ACTR1B: variants seen among roughly 807,000 people sequenced by gnomAD.
ACTR1B encodes beta-centractin.
A neutral mutation model predicts 49.4 loss-of-function variants in ACTR1B; 34 were observed. That is an observed-to-expected ratio of 0.69 (90% CI 0.52 to 0.92). ACTR1B has a LOEUF of 0.92. ACTR1B is among the 40% of genes least tolerant of loss of function. The probability of loss-of-function intolerance (pLI) is 0.00; values close to 1 mark genes in which losing one functional copy is unlikely to be tolerated. For synonymous variants in ACTR1B, 207 were observed against 207.8 expected, an observed-to-expected ratio of 1.00 and a Z score of 0.03; for missense variants, 471 against 522.4, an observed-to-expected ratio of 0.90 and a Z score of 0.96.
Position 97,659,307 on chromosome 2 carries a change from A to G in ACTR1B, c.315+45T>C. Reference sequence around the variant, plus strand: ...GAGGAGGGACGCAGAGGAGAGGGGCATGGCCAGGAGAATGCAGAGCATGCA... The same window carrying G: ...GAGGAGGGACGCAGAGGAGAGGGGCGTGGCCAGGAGAATGCAGAGCATGCA... On this transcript the variant is annotated intron_variant, in intron 4 of 10. Transcript: ENST00000289228. The surrounding 1 kb of genome is among the most constrained non-coding windows in gnomAD (Gnocchi z 4.0). 3.7e-6 allele frequency: 6 copies of G among 1,611,612 alleles called. No homozygotes were observed. Among genetic ancestry groups the G allele is most frequent in the Non-Finnish European group, 5.1e-6 (6 of 1,178,864 alleles).
Position 97,657,505 on chromosome 2 carries a change from G to A in ACTR1B, c.930C>T (p.Phe310=), listed in dbSNP as rs768897105. The change falls in exon 9 of 11, where the codon TTC becomes TTT. Residue 310 remains phenylalanine, a synonymous_variant. Coordinates refer to ENST00000289228, the MANE Select transcript of ACTR1B (RefSeq NM_005735.4). ...TCACTTCACTGAGTAATCGGTCTCC[G>A]AAGCCTGTGAACACAAAGCTGGCTG... ...LSGGSTLFKG[F]GDRLLSEVKK... The A allele has an allele frequency of 1.5e-5, 24 of 1,614,186 alleles. No individual in the cohort carries two copies. The highest frequency in any genetic ancestry group is 6.7e-5 in the East Asian group (3 of 44,880).
chr2:97,656,906 CT>C lies in ACTR1B; in HGVS notation c.1082del (p.Lys361ArgfsTer54). 5 of 1,596,078 alleles carry C rather than the reference CT, an allele frequency of 3.1e-6. No homozygotes were observed. The highest frequency in any genetic ancestry group is 1.8e-5 in the Admixed American group (1 of 56,582). On this transcript the variant is annotated frameshift_variant, in exon 11 of 11. Transcript: ENST00000289228. LOFTEE classifies it high-confidence loss of function. ...DTFKKMWVSK[K>X]EYEEDGSRAI... Reference sequence around the variant, plus strand: ...CACGGGAGCCATCCTCTTCATACTCCTTTTTGGACACCCACATCTTCTTAAA... The same window carrying C: ...CACGGGAGCCATCCTCTTCATACTCCTTTTGGACACCCACATCTTCTTAAA...
Position 97,656,828 on chromosome 2 carries a change from TCTCCCA to T in ACTR1B, c.*24_*29del. On this transcript the variant is annotated 3_prime_UTR_variant, in exon 11 of 11. Coordinates refer to ENST00000289228, the MANE Select transcript of ACTR1B (RefSeq NM_005735.4). The stretch of plus-strand genomic sequence containing the variant: ...AGGCTCTGTCTCCCCTCCCTCCCCC[TCTCCCA>T]ACATGCCCCGCCCTCCTTGGGCACT... 3 of 1,526,084 alleles carry T rather than the reference TCTCCCA, an allele frequency of 2.0e-6. No individual in the cohort carries two copies. Among genetic ancestry groups the T allele is most frequent in the Non-Finnish European group, 2.7e-6 (3 of 1,121,386 alleles). The allele number at this position is 1,526,084 out of a possible 1,614,324, so 94.5% of individuals were successfully genotyped here.
chr2:97,661,875 C>T lies in ACTR1B; in HGVS notation c.113+7G>A, dbSNP rs1017455815. 34 of 1,586,846 alleles carry T rather than the reference C, an allele frequency of 2.1e-5. No individual in the cohort carries two copies. The highest frequency in any genetic ancestry group is 2.6e-5 in the Non-Finnish European group (30 of 1,164,606). ...AGGACTAAGGCTGCTGCCTGAGCCACACTTACTAGTTTGGGAAACAGTATT... is the reference window on the plus strand; with the variant it reads ...AGGACTAAGGCTGCTGCCTGAGCCATACTTACTAGTTTGGGAAACAGTATT... On this transcript the variant is annotated splice_region_variant and intron_variant, in intron 2 of 10. Coordinates refer to ENST00000289228, the MANE Select transcript of ACTR1B (RefSeq NM_005735.4).
chr2:97,661,859 G>A (rs1675017284), intron 2 of ACTR1B, 23 bp downstream of exon 2: 1 of 1,573,702 alleles, frequency 6.4e-7, no homozygotes, highest in Non-Finnish European at 8.6e-7. Flanking sequence ...AAGGACTAAG[G>A]CTGCTGCCTG....
In ACTR1B at chr2:97,658,085, C is replaced by T. The variant is rs924698234; in HGVS notation, c.783G>A (p.Leu261=). 1 of 1,614,012 alleles carries T rather than the reference C, an allele frequency of 6.2e-7. No homozygotes were observed. Among genetic ancestry groups the T allele is most frequent in the Non-Finnish European group, 8.5e-7 (1 of 1,180,048 alleles). ...CCCCGACAAGGTCCGGCTGGAACAG[C>T]AGCTCGGGGGCCCGGAATCGTGCAG... ...VGPARFRAPE[L]LFQPDLVGDE... The change falls in exon 8 of 11, where the codon CTG becomes CTA. Residue 261 remains leucine, a synonymous_variant. Coordinates refer to ENST00000289228, the MANE Select transcript of ACTR1B (RefSeq NM_005735.4). This position sits in a 1 kb window ranked among gnomAD's most constrained non-coding sequence, Gnocchi z 5.9.
rs542185343 is a variant in ACTR1B, at chr2:97,657,055, A to G, written c.1029-95T>C. 5.6e-5 allele frequency: 88 copies of G among 1,584,422 alleles called. 1 individual carries two copies. The Admixed American group carries it at 1.5e-3, about 27-fold the overall frequency. On this transcript the variant is annotated intron_variant, in intron 10 of 10. Coordinates refer to ENST00000289228, the MANE Select transcript of ACTR1B (RefSeq NM_005735.4). Reference sequence around the variant, plus strand: ...GTTGCATTTCCCTAATTTGGGAGGGAAATCCACCCACCTCCACGTGGCCTA... The same window carrying G: ...GTTGCATTTCCCTAATTTGGGAGGGGAATCCACCCACCTCCACGTGGCCTA...
intron 8 of ACTR1B, 112 bp downstream of exon 8, chr2:97,657,831 T>C (rs900481511): frequency 8.3e-6 from 11 of 1,332,760 alleles, no homozygotes; most frequent in African/African-American, 2.9e-5. Flanking sequence ...AAAATGTTCA[T>C]TGAGCACCAC....
rs894860814 is a variant in ACTR1B, at chr2:97,658,781, A to G, written c.440+98T>C. The G allele has an allele frequency of 2.8e-5, 44 of 1,594,586 alleles. No individual in the cohort carries two copies. Among genetic ancestry groups the G allele is most frequent in the Non-Finnish European group, 3.8e-5 (44 of 1,164,840 alleles). ...GGACTCCCTAGAGGAACAGTCATCA[A>G]GGGGCTGTTTTTCCAGGGAAGTCAG... On this transcript the variant is annotated intron_variant, in intron 5 of 10. Transcript: ENST00000289228. The surrounding 1 kb of genome is among the most constrained non-coding windows in gnomAD (Gnocchi z 5.9).
chr2:97,657,053 G>T, intron 10 of ACTR1B, 93 bp from the exon 11 acceptor site: 1 of 1,585,928 alleles, frequency 6.3e-7, no homozygotes, highest in Non-Finnish European at 8.6e-7. Context: ...AATTTGGGAG[G>T]GAAATCCACC....
rs75426220 is a variant in ACTR1B, at chr2:97,656,847, C to T, written c.*11G>A. The T allele has an allele frequency of 4.8e-3, 7,554 of 1,568,718 alleles. 296 individuals carry two copies. In the East Asian group the frequency reaches 0.1, roughly 22 times the overall value. On this transcript the variant is annotated 3_prime_UTR_variant, in exon 11 of 11. Coordinates refer to ENST00000289228, the MANE Select transcript of ACTR1B (RefSeq NM_005735.4). ...TCCCCCTCTCCCAACATGCCCCGCC[C>T]TCCTTGGGCACTAGAAAGTTTTGCG...
In ACTR1B at chr2:97,658,064, G is replaced by T. The variant is rs1042705; in HGVS notation, c.804C>A (p.Val268=). The T allele has an allele frequency of 5.0e-6, 8 of 1,613,914 alleles. No individual in the cohort carries two copies. The highest frequency in any genetic ancestry group is 6.8e-6 in the Non-Finnish European group (8 of 1,179,978). Residue 268 remains valine, a synonymous_variant, in exon 8 of 11, where the codon GTC becomes GTA. Coordinates refer to ENST00000289228, the MANE Select transcript of ACTR1B (RefSeq NM_005735.4). This position sits in a 1 kb window ranked among gnomAD's most constrained non-coding sequence, Gnocchi z 5.9. ...APELLFQPDL[V]GDESEGLHEV... ...CATGGAGCCCCTCACTCTCATCCCC[G>T]ACAAGGTCCGGCTGGAACAGCAGCT...
chr2:97,660,757 C>A, intron 2 of ACTR1B, 111 bp from the exon 3 acceptor site: 1 of 1,055,496 alleles, frequency 9.5e-7, no homozygotes. Context: ...CCTCCAAACA[C>A]CAGGATGTGG....
chr2:97,657,086 A>T, intron 10 of ACTR1B, 66 bp downstream of exon 10: 1 of 1,596,906 alleles, frequency 6.3e-7, no homozygotes, highest in Non-Finnish European at 8.6e-7. Context: ...GCCTAGGCCA[A>T]CAATGGGAGG....
Position 97,659,771 on chromosome 2 carries a change from G to A in ACTR1B, c.190-294C>T, listed in dbSNP as rs879451036. ...TCTCTTCTTCCCCATTCTCACTGCC[G>A]GCACATCCCCCACATTCTCCTCACA... is the stretch of plus-strand genomic sequence containing the variant. On this transcript the variant is annotated intron_variant, in intron 3 of 10. Coordinates refer to ENST00000289228, the MANE Select transcript of ACTR1B (RefSeq NM_005735.4). The surrounding 1 kb of genome is among the most constrained non-coding windows in gnomAD (Gnocchi z 4.0). 6.5e-5 allele frequency: 31 copies of A among 477,386 alleles called. No individual in the cohort carries two copies. Among genetic ancestry groups the A allele is most frequent in the African/African-American group, 3.7e-4 (19 of 50,736 alleles). 29.6% of individuals were successfully genotyped at this position (477,386 alleles called of 1,614,324 possible). A position where few individuals can be genotyped will look rare whatever the true frequency, so the allele number is the denominator to read the frequency against.
Position 97,664,021 on chromosome 2 carries a change from T to G in ACTR1B, c.-131A>C. The stretch of plus-strand genomic sequence containing the variant: ...GCCCTCCCTCCCCGAGCCTGCAGCC[T>G]ACGCGAGCCCCGCGGGGCTTTCTGG... On this transcript the variant is annotated 5_prime_UTR_variant, in exon 1 of 11. Coordinates refer to ENST00000289228, the MANE Select transcript of ACTR1B (RefSeq NM_005735.4). 4.7e-6 allele frequency: 2 copies of G among 424,314 alleles called. No individual in the cohort carries two copies. Among genetic ancestry groups the G allele is most frequent in the East Asian group, 5.2e-5 (1 of 19,194 alleles). 26.3% of individuals were successfully genotyped at this position (424,314 alleles called of 1,614,324 possible). A position where few individuals can be genotyped will look rare whatever the true frequency, so the allele number is the denominator to read the frequency against.
chr2:97,657,026 C>A, intron 10 of ACTR1B, 66 bp from the exon 11 acceptor site: 1 of 1,575,870 alleles, frequency 6.3e-7, no homozygotes, highest in South Asian at 1.1e-5. Flanking sequence ...CCTGGGTGCT[C>A]AGAGTTGCAT....
At position 97,659,335 on chromosome 2, in the gene ACTR1B, A is replaced by G; in HGVS notation, c.315+17T>C. ...GCCAGGAGAATGCAGAGCATGCAGG[A>G]GGGGCAGCCGCCACACCTCCTCCGA... On this transcript the variant is annotated intron_variant, in intron 4 of 10. Coordinates refer to ENST00000289228, the MANE Select transcript of ACTR1B (RefSeq NM_005735.4). The surrounding 1 kb of genome is among the most constrained non-coding windows in gnomAD (Gnocchi z 4.0). 3 of 1,613,604 alleles carry G rather than the reference A, an allele frequency of 1.9e-6. No individual in the cohort carries two copies. In the East Asian group the frequency reaches 6.7e-5, roughly 36 times the overall value.
intron 2 of ACTR1B, 47 bp downstream of exon 2, chr2:97,661,835 C>T (rs1675016619): frequency 6.5e-7 from 1 of 1,546,540 alleles, no homozygotes; most frequent in Non-Finnish European, 8.8e-7. Context: ...AATGTTCTTA[C>T]AGAAGGTAAA....
Sources: allele counts gnomAD v4.1 joint callset, GRCh38; gene constraint gnomAD v4.1.1; non-coding constraint Gnocchi (gnomAD v3.1); transcripts MANE v1.5; gene names NCBI Gene and HGNC (gene_info 2026-07-23, HGNC 2026-07-21).